Variants in AP5Z1 observed in about 807,000 individuals in gnomAD.
AP5Z1 encodes adaptor related protein complex 5 subunit zeta 1.
Under a neutral mutation model 83.0 loss-of-function variants are expected in AP5Z1, and 106 were observed. That is an observed-to-expected ratio of 1.28 (90% confidence interval 1.09 to 1.50). The LOEUF is 1.50. Among genes scored for constraint, AP5Z1 ranks in the 40% most tolerant of loss-of-function variants. The pLI, the probability that AP5Z1 is intolerant of heterozygous loss-of-function variation, is 0.00. For synonymous variants in AP5Z1, 751 were observed against 514.1 expected, an observed-to-expected ratio of 1.46 and a Z score of -6.23; for missense variants, 1,565 against 1,094.2, an observed-to-expected ratio of 1.43 and a Z score of -6.07.
Position 4,783,489 on chromosome 7 carries a change from T to TG in AP5Z1, c.511+34dup, listed in dbSNP as rs374693543. The TG allele has an allele frequency of 1.5e-4, 237 of 1,563,138 alleles. 1 individual carries two copies. In the African/African-American group the frequency reaches 1.7e-3, roughly 11 times the overall value. ...CGCGGGGCCCCTCCCAAGAGGCTGTTGGGGGTCTGCCTTCCCAGGTCCTTC... is the reference window on the plus strand; with the variant it reads ...CGCGGGGCCCCTCCCAAGAGGCTGTTGGGGGGTCTGCCTTCCCAGGTCCTTC... On this transcript the variant is annotated intron_variant, in intron 4 of 16. Coordinates refer to ENST00000649063, the MANE Select transcript of AP5Z1 (RefSeq NM_014855.3).
chr7:4,789,863 C>T lies in AP5Z1; in HGVS notation c.1739C>T (p.Ala580Val), dbSNP rs763818498. The T allele has an allele frequency of 3.3e-5, 52 of 1,552,624 alleles. No individual in the cohort carries two copies. Among genetic ancestry groups the T allele is most frequent in the African/African-American group, 2.7e-5 (2 of 73,142 alleles). Residue 580 changes from alanine (A) to valine (V), a missense_variant, in exon 14 of 17, where the codon GCG (alanine) becomes GTG (valine). Transcript: ENST00000649063. ...VADGSLINQL[A>V]LLLLGRSDSL... ...GACGGGTCCCTGATCAACCAGCTGGCGCTGCTGCTCCTGGGCAGGAGCGAC... is the reference window on the plus strand; with the variant it reads ...GACGGGTCCCTGATCAACCAGCTGGTGCTGCTGCTCCTGGGCAGGAGCGAC...
At chr7:4,776,343 G>C (rs896226264) in intron 1 of AP5Z1, among the ~76,000 whole-genome samples, 2 of 151,878 alleles carry the variant, frequency 1.3e-5, no homozygotes, top group African/African-American at 4.9e-5. Flanking sequence ...AACCAGTCAT[G>C]GGGGAAAACA....
chr7:4,775,817 G>A, intron 1 of AP5Z1, 61 bp downstream of exon 1: 1 of 1,581,712 alleles, frequency 6.3e-7, no homozygotes, highest in Middle Eastern at 2.2e-4. Context: ...GCACACGGGG[G>A]TGGGTCTCAC....
At chr7:4,788,549 C>A in intron 12 of AP5Z1, 1 of 527,628 alleles carries the variant, frequency 1.9e-6, no homozygotes, top group Non-Finnish European at 3.2e-6. Context: ...GTGGGTGCTC[C>A]ATTTTGCAGA....
intron 1 of AP5Z1, among the ~76,000 whole-genome samples, chr7:4,780,688 C>A (rs923463802): frequency 6.6e-6 from 1 of 152,146 alleles, no homozygotes; most frequent in Non-Finnish European, 1.5e-5. Flanking sequence ...ATTGCTTGAA[C>A]CCCGGAGGCG....
rs981352225 is a variant in AP5Z1, at chr7:4,790,870, C to T, written c.2136C>T (p.Ser712=). ...CGCTGACGAAGCTGGCCTCCCGGAG[C>T]CAAGATCTGATCCCCAGGTGCCTGG... ...MTTLTKLASR[S]QDLIPRASLL... The change falls in exon 16 of 17, where the codon AGC becomes AGT. Residue 712 remains serine (S), a synonymous_variant. Coordinates refer to ENST00000649063, the MANE Select transcript of AP5Z1 (RefSeq NM_014855.3). 1.2e-6 allele frequency: 2 copies of T among 1,604,568 alleles called. No homozygotes were observed. Among genetic ancestry groups the T allele is most frequent in the Non-Finnish European group, 1.7e-6 (2 of 1,176,610 alleles).
In AP5Z1 at chr7:4,790,733, A is replaced by ATCAACAAGT. The variant is rs1781737599; in HGVS notation, c.2002_2010dup (p.Asn668_Phe670dup). On this transcript the variant is annotated inframe_insertion, in exon 16 of 17. Transcript: ENST00000649063. ...CGATCGGAGGTGCACCGTGGAGCAG[A>ATCAACAAGT]TCAACAAGTTCTTCGAAGCCCTGGA... 5.0e-6 allele frequency: 8 copies of ATCAACAAGT among 1,610,934 alleles called. No homozygotes were observed. In the South Asian group the frequency reaches 8.8e-5, roughly 18 times the overall value.
At chr7:4,790,221 G>A (rs1781713515) in intron 14 of AP5Z1, 1 of 1,550,290 alleles carries the variant, frequency 6.5e-7, no homozygotes, top group Non-Finnish European at 8.7e-7. Context: ...AAGGCCTGAT[G>A]CATGCAGGCC....
chr7:4,791,288 G>A lies in AP5Z1; in HGVS notation c.2327G>A (p.Ser776Asn). Reference sequence around the variant, plus strand: ...CTCACACCCAGCACGGAGGTGTGCAGCCCCCGCTATCACCGCGATGCCAAC... The same window carrying A: ...CTCACACCCAGCACGGAGGTGTGCAACCCCCGCTATCACCGCGATGCCAAC... ...FVLTPSTEVC[S>N]PRYHRDANTA... Residue 776 changes from serine (S) to asparagine (N), a missense_variant, in exon 17 of 17, where the codon AGC becomes AAC. Physicochemically the swap from Ser to Asn is conservative, Grantham distance 46. Transcript: ENST00000649063. The A allele has an allele frequency of 6.2e-7, 1 of 1,612,574 alleles. No individual in the cohort carries two copies. The highest frequency in any genetic ancestry group is 8.5e-7 in the Non-Finnish European group (1 of 1,179,816).
chr7:4,783,184 C>T, intron 3 of AP5Z1, 132 bp from the exon 4 acceptor site: 10 of 1,373,162 alleles, frequency 7.3e-6, no homozygotes, highest in Non-Finnish European at 9.7e-6. Context: ...CGCGGGACAT[C>T]CTCCCTGCCA....
Position 4,781,621 on chromosome 7 carries a change from G to C in AP5Z1, c.233G>C (p.Cys78Ser). ...CAGGCCACCCTCGGCCTGCCTGCAT[G>C]CCCCGAGCAGCTCCAGGTGCTTTGC... ...LLQATLGLPA[C>S]PEQLQVLCAA... is the part of the protein sequence containing the mutation. Residue 78 changes from cysteine (C) to serine (S), a missense_variant, in exon 3 of 17, where the codon TGC becomes TCC. By Grantham distance (112) the Cys-to-Ser change is moderately radical. Transcript: ENST00000649063. The C allele has an allele frequency of 6.2e-7, 1 of 1,609,934 alleles. No homozygotes were observed. The highest frequency in any genetic ancestry group is 8.5e-7 in the Non-Finnish European group (1 of 1,177,604).
At chr7:4,781,785 C>T (rs772929525) in intron 3 of AP5Z1, 31 bp downstream of exon 3, 12 of 1,507,442 alleles carry the variant, frequency 8.0e-6, no homozygotes, top group South Asian at 1.3e-5. Context: ...CCAGTTGGCA[C>T]CGGATGGCTG....
Position 4,781,667 on chromosome 7 carries a change from GT to G in AP5Z1, c.280del (p.Ser94ProfsTer19). The G allele has an allele frequency of 2.5e-6, 4 of 1,603,736 alleles. No individual in the cohort carries two copies. Among genetic ancestry groups the G allele is most frequent in the Non-Finnish European group, 3.4e-6 (4 of 1,172,388 alleles). The part of the protein sequence containing the change: ...VLCAAILREM[S>X]PSDSLSLAWD... ...TTTGCGCCGCCATCCTGCGAGAGAT[GT>G]CCCCCTCTGACAGCCTCAGCCTGGC... is the stretch of plus-strand genomic sequence containing the variant. On this transcript the variant is annotated frameshift_variant, in exon 3 of 17. Transcript: ENST00000649063. LOFTEE classifies it high-confidence loss of function.
intron 14 of AP5Z1, chr7:4,790,142 G>T (rs962468988): frequency 1.4e-6 from 2 of 1,471,662 alleles, no homozygotes; most frequent in East Asian, 2.5e-5. Context: ...TCTTTCTGCC[G>T]AGCCTGTCCT....
intron 1 of AP5Z1, among the ~76,000 whole-genome samples, chr7:4,780,127 C>T (rs1332513240): frequency 3.3e-5 from 5 of 152,126 alleles, no homozygotes; most frequent in Non-Finnish European, 7.4e-5. Flanking sequence ...CCTGGCACAG[C>T]AACCCCTTTG....
intron 14 of AP5Z1, 62 bp downstream of exon 14, chr7:4,789,991 C>G (rs1270267309): frequency 1.1e-6 from 1 of 904,740 alleles, no homozygotes; most frequent in African/African-American, 2.5e-5. Context: ...TCCTCCCCCT[C>G]TCCCCTCCCC....
rs1465700580 is a variant in AP5Z1 at position 4,787,743 on chromosome 7, C to G, written c.1421C>G (p.Pro474Arg). The G allele has an allele frequency of 6.5e-7, 1 of 1,545,438 alleles. No individual in the cohort carries two copies. The highest frequency in any genetic ancestry group is 8.7e-7 in the Non-Finnish European group (1 of 1,148,472). The change falls in exon 11 of 17, where the codon CCC becomes CGC. Residue 474 changes from proline to arginine, a missense_variant. Transcript: ENST00000649063. Reference sequence around the variant, plus strand: ...ATGCTGCACGCGCTGCTGGACCTGCCCTGCTTGACGGCGGTGCTGGACCTG... The same window carrying G: ...ATGCTGCACGCGCTGCTGGACCTGCGCTGCTTGACGGCGGTGCTGGACCTG... ...LEMLHALLDL[P>R]CLTAVLDLQL...
intron 3 of AP5Z1, 117 bp from the exon 4 acceptor site, chr7:4,783,199 C>G: frequency 7.0e-7 from 1 of 1,424,414 alleles, no homozygotes; most frequent in East Asian, 2.5e-5. Context: ...CTGCCACCTG[C>G]TAGGCCGGGG....
At chr7:4,789,768 A>AC (rs1218710812) in intron 13 of AP5Z1, 64 bp from the exon 14 acceptor site, 1 of 1,343,938 alleles carries the variant, frequency 7.4e-7, no homozygotes, top group African/African-American at 1.5e-5. Flanking sequence ...CCATGGCTTC[A>AC]CCCCCAACCT....
Sources: allele counts gnomAD v4.1 joint callset (sites outside exome capture counted in the v4.1 genomes callset), GRCh38; gene constraint gnomAD v4.1.1; transcripts MANE v1.5; gene names NCBI Gene and HGNC (gene_info 2026-07-23, HGNC 2026-07-21).